IFT57: variants seen among roughly 807,000 people sequenced by gnomAD.
IFT57 encodes the protein intraflagellar transport 57.
IFT57 carries 59 observed loss-of-function variants against 56.8 expected under a neutral mutation model. That is an observed-to-expected ratio of 1.04 (90% CI 0.84 to 1.29). The LOEUF is 1.29. IFT57 is among the 50% of genes most tolerant of loss of function. The probability of loss-of-function intolerance (pLI) is 0.00; values close to 1 mark genes in which losing one functional copy is unlikely to be tolerated. For synonymous variants in IFT57, 209 were observed against 186.1 expected, an observed-to-expected ratio of 1.12 and a Z score of -1.00; for missense variants, 470 against 522.1, an observed-to-expected ratio of 0.90 and a Z score of 0.97.
Position 108,191,641 on chromosome 3 carries a change from A to G in IFT57, c.657T>C (p.Asp219=), listed in dbSNP as rs753425077. ...CTTCTTGTTTGGCAGTCTCGTTCATATCCTAAGAAAGGAAAGATATCACAA... is the reference window on the plus strand; with the variant it reads ...CTTCTTGTTTGGCAGTCTCGTTCATGTCCTAAGAAAGGAAAGATATCACAA... The part of the protein sequence containing the change: ...NVLKAQTYHL[D]MNETAKQEDI... The change falls in exon 6 of 11, where the codon GAT becomes GAC. Residue 219 remains aspartate, a splice_region_variant and synonymous_variant. Transcript: ENST00000264538. The G allele has an allele frequency of 6.3e-7, 1 of 1,590,642 alleles. No homozygotes were observed. Among genetic ancestry groups the G allele is most frequent in the Non-Finnish European group, 8.5e-7 (1 of 1,171,836 alleles).
At chr3:108,200,320 C>T (rs752499433) in intron 5 of IFT57, among the ~76,000 whole-genome samples, 2 of 152,034 alleles carry the variant, frequency 1.3e-5, no homozygotes, top group Non-Finnish European at 2.9e-5. Context: ...CCTTGCAAGA[C>T]AGCTGAAGGG....
chr3:108,187,902 A>T (rs1032716782), intron 6 of IFT57, among the ~76,000 whole-genome samples: 2 of 151,694 alleles, frequency 1.3e-5, no homozygotes, highest in African/African-American at 4.8e-5. Flanking sequence ...GTGTTGAGTG[A>T]AAGGTTATTA....
intron 6 of IFT57, among the ~76,000 whole-genome samples, chr3:108,182,259 G>A (rs1440112145): frequency 6.6e-6 from 1 of 151,898 alleles, no homozygotes; most frequent in East Asian, 1.9e-4. Context: ...GGAATGAGGG[G>A]GAAAAAATCC....
intron 6 of IFT57, among the ~76,000 whole-genome samples, chr3:108,188,001 C>G (rs187492624): frequency 6.7e-6 from 1 of 148,664 alleles, no homozygotes; most frequent in African/African-American, 2.5e-5. Flanking sequence ...AGGTTTGTTA[C>G]GTATGTAGCA....
intron 5 of IFT57, among the ~76,000 whole-genome samples, chr3:108,205,992 ATT>A (rs1460043128): frequency 8.9e-4 from 41 of 45,976 alleles, no homozygotes; most frequent in Non-Finnish European, 1.4e-3. Flanking sequence ...TATATAATAT[ATT>A]TATGTTATAT....
At chr3:108,175,827 C>T (rs1264463317) in intron 6 of IFT57, among the ~76,000 whole-genome samples, 5 of 151,278 alleles carry the variant, frequency 3.3e-5, no homozygotes, top group African/African-American at 1.2e-4. Context: ...TTTGACTTTG[C>T]GAGTGGAGAG....
At chr3:108,176,305 G>A (rs1033380907) in intron 6 of IFT57, among the ~76,000 whole-genome samples, 1 of 151,728 alleles carries the variant, frequency 6.6e-6, no homozygotes, top group African/African-American at 2.4e-5. Flanking sequence ...TCACTCTAAC[G>A]TATGAGAAAG....
At chr3:108,213,182 T>C (rs2080352386) in intron 4 of IFT57, among the ~76,000 whole-genome samples, 1 of 152,108 alleles carries the variant, frequency 6.6e-6, no homozygotes, top group Non-Finnish European at 1.5e-5. Flanking sequence ...AAGTCAACAG[T>C]AGGCTATTAG....
chr3:108,202,836 T>C (rs1042315749), intron 5 of IFT57, among the ~76,000 whole-genome samples: 2 of 152,192 alleles, frequency 1.3e-5, no homozygotes, highest in Non-Finnish European at 2.9e-5. Flanking sequence ...AACAAACCAA[T>C]GTCATTGTTA....
intron 5 of IFT57, among the ~76,000 whole-genome samples, chr3:108,203,181 C>A (rs1426151996): frequency 6.6e-6 from 1 of 152,174 alleles, no homozygotes; most frequent in African/African-American, 2.4e-5. Context: ...GCTAAGCAGG[C>A]AACACTTGAC....
Position 108,167,863 on chromosome 3 carries a change from T to G in IFT57, c.779A>C (p.Asp260Ala), listed in dbSNP as rs749126694. 1.3e-6 allele frequency: 2 copies of G among 1,589,342 alleles called. No homozygotes were observed. The highest frequency in any genetic ancestry group is 1.7e-6 in the Non-Finnish European group (2 of 1,167,804). The change falls in exon 7 of 11, where the codon GAT (aspartate) becomes GCT (alanine). Residue 260 changes from aspartate to alanine, a missense_variant and splice_region_variant. Transcript: ENST00000264538. ...CATTTGGTCAACATGGATTCTCCAA[T>G]CCTACAGGCATAGAGCACATAGAAA... ...LKVTIRTDNK[D>A]WRIHVDQMHQ... is the part of the protein sequence containing the mutation.
intron 5 of IFT57, among the ~76,000 whole-genome samples, chr3:108,198,350 T>C (rs1331016103): frequency 6.6e-6 from 1 of 152,216 alleles, no homozygotes; most frequent in Non-Finnish European, 1.5e-5. Context: ...GATTTGTATT[T>C]TATGTTTTTG....
At chr3:108,222,071 G>A (rs41267015) in intron 1 of IFT57, 40 bp downstream of exon 1, 28 of 1,558,666 alleles carry the variant, frequency 1.8e-5, no homozygotes, top group Non-Finnish European at 2.1e-5. Flanking sequence ...CTCCCTGGGG[G>A]CTAGCAGGCA....
rs1406254113 is a variant in IFT57, at chr3:108,191,525, T to C, written c.773A>G (p.Asn258Ser). The change falls in exon 6 of 11, where the codon AAT becomes AGT. Residue 258 changes from asparagine to serine, a missense_variant. Asn to Ser is a conservative substitution (Grantham distance 46). Coordinates refer to ENST00000264538, the MANE Select transcript of IFT57 (RefSeq NM_018010.4). ...PQLKVTIRTD[N>S]KDWRIHVDQM... ...AATGTGTTCCCACTTTGATACCTTA[T>C]TGTCAGTCCTAATCGTGACTTTCAG... 2 of 1,589,234 alleles carry C rather than the reference T, an allele frequency of 1.3e-6. No individual in the cohort carries two copies. The highest frequency in any genetic ancestry group is 8.5e-7 in the Non-Finnish European group (1 of 1,170,132).
rs927790352 is a variant in IFT57, at chr3:108,160,915, G to T, written c.*1562C>A. On this transcript the variant is annotated 3_prime_UTR_variant, in exon 11 of 11. Coordinates refer to ENST00000264538, the MANE Select transcript of IFT57 (RefSeq NM_018010.4). ...TAACTGGAATATTTCAGAGAAGGAA[G>T]TAAAAATAGGTGGCTTATACTACTC... 6.6e-6 allele frequency: 1 copy of T among 152,174 alleles called. No homozygotes were observed. The highest frequency in any genetic ancestry group is 1.9e-4 in the East Asian group (1 of 5,194). 9.4% of individuals were successfully genotyped at this position (152,174 alleles called of 1,614,324 possible). A position where few individuals can be genotyped will look rare whatever the true frequency, so the allele number is the denominator to read the frequency against.
intron 5 of IFT57, among the ~76,000 whole-genome samples, chr3:108,203,022 G>A (rs1340474724): frequency 2.6e-5 from 4 of 152,218 alleles, no homozygotes. Context: ...TAATTAGGAA[G>A]ATGGGTCACC....
chr3:108,177,237 A>G (rs896206365), intron 6 of IFT57, among the ~76,000 whole-genome samples: 1 of 151,812 alleles, frequency 6.6e-6, no homozygotes, highest in African/African-American at 2.4e-5. Flanking sequence ...GTGTTATCAG[A>G]AAAAATATCC....
At chr3:108,218,003 A>AAATAC (rs112411420) in intron 3 of IFT57, among the ~76,000 whole-genome samples, 3 of 149,944 alleles carry the variant, frequency 2.0e-5, no homozygotes, top group Non-Finnish European at 4.5e-5. Flanking sequence ...ACCATAGGAT[A>AAATAC]AATATAATAT....
chr3:108,162,732 C>T (rs2080040843), intron 10 of IFT57, 77 bp from the exon 11 acceptor site: 4 of 1,178,168 alleles, frequency 3.4e-6, no homozygotes. Context: ...TGACATTTTC[C>T]TCACTTTGTC....
Sources: allele counts gnomAD v4.1 joint callset (sites outside exome capture counted in the v4.1 genomes callset), GRCh38; gene constraint gnomAD v4.1.1; transcripts MANE v1.5; gene names NCBI Gene and HGNC (gene_info 2026-07-23, HGNC 2026-07-21).